The following ENTPD7 variants were observed in gnomAD, a reference collection of about 807,000 sequenced individuals.
The protein encoded by ENTPD7 is ectonucleoside triphosphate diphosphohydrolase 7, also known as NTPDase 7.
Under a neutral mutation model 77.9 loss-of-function variants are expected in ENTPD7, and 53 were observed. That is an observed-to-expected ratio of 0.68 (90% CI 0.55 to 0.85). The LOEUF is 0.85. ENTPD7 is among the 40% of genes least tolerant of loss of function. ENTPD7 has a pLI of 0.00. For missense variants in ENTPD7, 636 were observed against 743.7 expected (o/e 0.86, Z 1.68); for synonymous variants, 248 against 274.9 (o/e 0.90, Z 0.97).
At chr10:99,682,155 G>A (rs1197029252) in intron 5 of ENTPD7, among the ~76,000 whole-genome samples, 1 of 150,952 alleles carries the variant, frequency 6.6e-6, no homozygotes, top group East Asian at 1.9e-4. Context: ...ATAGGCATCA[G>A]GTATTTCCTT....
intron 3 of ENTPD7, among the ~76,000 whole-genome samples, chr10:99,665,135 C>T (rs2035533033): frequency 6.6e-6 from 1 of 151,894 alleles, no homozygotes; most frequent in Non-Finnish European, 1.5e-5. Context: ...ACCTGTAGTC[C>T]TTGCTTCCCA....
rs371194459 is a variant in ENTPD7 at position 99,701,026 on chromosome 10, C to A, written c.1389C>A (p.Leu463=). 34 of 1,613,994 alleles carry A rather than the reference C, an allele frequency of 2.1e-5. No individual in the cohort carries two copies. In the African/African-American group the frequency reaches 4.3e-4, roughly 20 times the overall value. ...SVLTQRFKNG[L]FSSHADEHRL... ...TAACTCAGAGATTCAAGAATGGCCT[C>A]TTTTCATCACATGCAGATGAGCATC... The change falls in exon 11 of 13, where the codon CTC becomes CTA. Residue 463 remains leucine (L), a synonymous_variant. Transcript: ENST00000370489.
intron 10 of ENTPD7, among the ~76,000 whole-genome samples, chr10:99,699,548 A>T (rs1441797351): frequency 2.6e-5 from 4 of 152,100 alleles, no homozygotes; most frequent in Non-Finnish European, 5.9e-5. Context: ...AGAGAAACGA[A>T]TGGGAGAATC....
intron 5 of ENTPD7, among the ~76,000 whole-genome samples, chr10:99,680,877 C>T (rs1015285992): frequency 6.6e-6 from 1 of 152,110 alleles, no homozygotes; most frequent in African/African-American, 2.4e-5. Context: ...ATGTCTGGCC[C>T]AACAAATTTT....
intron 7 of ENTPD7, among the ~76,000 whole-genome samples, chr10:99,690,036 A>G (rs1485606249): frequency 6.6e-6 from 1 of 152,226 alleles, no homozygotes; most frequent in Non-Finnish European, 1.5e-5. Flanking sequence ...TTATGAACTC[A>G]TGGATTTTAA....
intron 3 of ENTPD7, among the ~76,000 whole-genome samples, chr10:99,665,502 G>GTCAT (rs777359347): frequency 2.1e-4 from 32 of 151,856 alleles, no homozygotes; most frequent in Non-Finnish European, 3.4e-4. Flanking sequence ...ATTCACTTTG[G>GTCAT]TCATTCATTC....
chr10:99,682,857 G>T (rs976635677), intron 5 of ENTPD7, among the ~76,000 whole-genome samples: 1 of 152,210 alleles, frequency 6.6e-6, no homozygotes, highest in Non-Finnish European at 1.5e-5. Flanking sequence ...TGACCTGGAG[G>T]TTAAAAAGGC....
At chr10:99,665,914 T>C (rs1012949475) in intron 3 of ENTPD7, among the ~76,000 whole-genome samples, 1 of 152,174 alleles carries the variant, frequency 6.6e-6, no homozygotes, top group African/African-American at 2.4e-5. Context: ...CCTTAAGAAA[T>C]GTACTAAATT....
chr10:99,689,209 T>C (rs1395171035), intron 7 of ENTPD7, among the ~76,000 whole-genome samples: 2 of 152,204 alleles, frequency 1.3e-5, no homozygotes, highest in Admixed American at 6.5e-5. Context: ...ATTTCTAATA[T>C]CATACAATAC....
chr10:99,695,805 T>G (rs898770330), intron 8 of ENTPD7, 151 bp from the exon 9 acceptor site: 1 of 666,110 alleles, frequency 1.5e-6, no homozygotes, highest in Non-Finnish European at 2.3e-6. Flanking sequence ...TTTTGTGTCT[T>G]TGTTTAAAAT....
intron 7 of ENTPD7, 113 bp from the exon 8 acceptor site, chr10:99,691,272 G>A: frequency 8.6e-7 from 1 of 1,163,746 alleles, no homozygotes; most frequent in Non-Finnish European, 1.2e-6. Context: ...GATTACAGGT[G>A]TGAGCCATGG....
At chr10:99,663,054 T>G (rs1454726974) in intron 3 of ENTPD7, among the ~76,000 whole-genome samples, 1 of 152,234 alleles carries the variant, frequency 6.6e-6, no homozygotes, top group African/African-American at 2.4e-5. Flanking sequence ...TCTGGTCTGC[T>G]TCATTCCTTT....
intron 7 of ENTPD7, 121 bp downstream of exon 7, chr10:99,688,871 T>G: frequency 1.1e-6 from 1 of 891,850 alleles, no homozygotes; most frequent in Non-Finnish European, 1.8e-6. Context: ...ATAAGATGCT[T>G]CATTTTCCAG....
At position 99,670,056 on chromosome 10, in the gene ENTPD7, G is replaced by A. The variant is rs568819694; in HGVS notation, c.191+8428G>A. Among the ~76,000 whole-genome samples the A allele has an allele frequency of 6.6e-5, 10 of 152,192 alleles. No homozygotes were observed. The East Asian group carries it at 1.9e-3, about 29-fold the overall frequency. On this transcript the variant is annotated intron_variant, in intron 3 of 12. Transcript: ENST00000370489. Reference sequence around the variant, plus strand: ...GAGTCACTGCGCCCGGCCGAGATGTGTGTTTTAATCAACTATTTTTCTGGC... The same window carrying A: ...GAGTCACTGCGCCCGGCCGAGATGTATGTTTTAATCAACTATTTTTCTGGC...
At chr10:99,660,076 C>G in intron 2 of ENTPD7, 112 bp downstream of exon 2, 1 of 1,503,716 alleles carries the variant, frequency 6.7e-7, no homozygotes, top group Non-Finnish European at 9.2e-7. Context: ...TGCACTTGGA[C>G]TTTGTATTCT....
intron 8 of ENTPD7, among the ~76,000 whole-genome samples, chr10:99,694,924 A>G (rs1367773356): frequency 6.6e-6 from 1 of 152,190 alleles, no homozygotes; most frequent in Non-Finnish European, 1.5e-5. Context: ...ATACATTCAA[A>G]ACAAGAATCC....
In ENTPD7 at chr10:99,691,512, A is replaced by T. The variant is rs1356622748; in HGVS notation, c.837A>T (p.Ala279=). The T allele has an allele frequency of 1.2e-6, 2 of 1,613,504 alleles. No individual in the cohort carries two copies. The highest frequency in any genetic ancestry group is 1.7e-6 in the Non-Finnish European group (2 of 1,179,838). The change falls in exon 8 of 13, where the codon GCA becomes GCT. Residue 279 remains alanine, a synonymous_variant. Coordinates refer to ENST00000370489, the MANE Select transcript of ENTPD7 (RefSeq NM_020354.5). ...CTACCTCAACCTCTGTCCTTCCTGC[A>T]AAGCAGGTACTTTACCTTTTAGGGA... ...EVPTSTSVLP[A]KQEEAAKILL...
In ENTPD7 at chr10:99,709,183, C is replaced by T. The variant is rs1436847811; in HGVS notation, c.*4500C>T. 2 of 985,278 alleles carry T rather than the reference C, an allele frequency of 2.0e-6. No homozygotes were observed. The highest frequency in any genetic ancestry group is 2.3e-4 in the East Asian group (2 of 8,830). 61.0% of individuals were successfully genotyped at this position (985,278 alleles called of 1,614,324 possible). On this transcript the variant is annotated 3_prime_UTR_variant, in exon 13 of 13. Transcript: ENST00000370489. ...ATGAAGGTATAAATGCCTATTACATCTACCTCATTAAAGAACTTCGTTGTA... is the reference window on the plus strand; with the variant it reads ...ATGAAGGTATAAATGCCTATTACATTTACCTCATTAAAGAACTTCGTTGTA...
intron 3 of ENTPD7, among the ~76,000 whole-genome samples, chr10:99,663,533 C>T (rs192010250): frequency 7.2e-5 from 11 of 151,804 alleles, no homozygotes; most frequent in Admixed American, 6.6e-4. Flanking sequence ...AATCATAGCC[C>T]GCTGCAGCCT....
Sources: gnomAD v4.1 joint callset for allele counts (sites outside exome capture counted in the v4.1 genomes callset) on GRCh38, gnomAD v4.1.1 for gene constraint, MANE v1.5 for transcripts, NCBI Gene and HGNC (gene_info 2026-07-23, HGNC 2026-07-21) for gene names.